Variants in PCTP observed in about 807,000 individuals in gnomAD.
The protein encoded by PCTP is phosphatidylcholine transfer protein, also known as START domain-containing protein 2.
Under a neutral mutation model 31.0 loss-of-function variants are expected in PCTP, and 27 were observed. The ratio of observed to expected loss-of-function variants is 0.87; its 90% CI spans 0.64 to 1.20. PCTP has a LOEUF of 1.20. Among genes scored for constraint, PCTP ranks in the 50% most tolerant of loss-of-function variants. PCTP has a pLI of 0.00. For missense variants in PCTP, 287 were observed against 268.2 expected (o/e 1.07, Z -0.49); for synonymous variants, 108 against 101.2 (o/e 1.07, Z -0.40).
At chr17:55,850,717 T>C in the PCTP span, among the ~76,000 whole-genome samples, 1 of 152,222 alleles carries the variant, frequency 6.6e-6, no homozygotes, top group Admixed American at 6.5e-5. Flanking sequence ...AAATGACTTA[T>C]ATTCACCCAC....
intron 3 of PCTP, among the ~76,000 whole-genome samples, chr17:55,804,527 T>C (rs1002605146): frequency 6.6e-5 from 10 of 152,210 alleles, no homozygotes; most frequent in Non-Finnish European, 1.2e-4. Flanking sequence ...TGGAATACTA[T>C]GCAGCCATAA....
intron 1 of PCTP, among the ~76,000 whole-genome samples, chr17:55,757,996 G>A (rs1175436655): frequency 6.6e-6 from 1 of 152,192 alleles, no homozygotes; most frequent in Admixed American, 6.5e-5. Flanking sequence ...GTTTCCCTGA[G>A]AGAAGGGCCA....
At chr17:55,820,588 T>C (rs1471621858) in intron 3 of PCTP, among the ~76,000 whole-genome samples, 2 of 152,196 alleles carry the variant, frequency 1.3e-5, no homozygotes, top group Non-Finnish European at 2.9e-5. Context: ...CTTAATACTA[T>C]CACATTGGTG....
At chr17:55,844,101 A>G (rs982789844), downstream of PCTP, among the ~76,000 whole-genome samples, 8 of 152,344 alleles carry the variant, frequency 5.3e-5, no homozygotes, top group Admixed American at 2.0e-4. Context: ...TTTAAACGCT[A>G]CATCCCCACT....
intron 5 of PCTP, among the ~76,000 whole-genome samples, chr17:55,828,182 T>C (rs1487366059): frequency 1.3e-5 from 2 of 152,116 alleles, no homozygotes; most frequent in Admixed American, 6.5e-5. Flanking sequence ...GGTAATTGGA[T>C]TGGAACATTT....
chr17:55,840,619 A>G (rs1413646876), intron 5 of PCTP, among the ~76,000 whole-genome samples: 1 of 152,228 alleles, frequency 6.6e-6, no homozygotes, highest in Non-Finnish European at 1.5e-5. Flanking sequence ...GTGCAAGCAC[A>G]TATTCACATT....
intron 1 of PCTP, chr17:55,751,618 T>TG: frequency 2.7e-6 from 1 of 370,436 alleles, no homozygotes; most frequent in Non-Finnish European, 4.2e-6. Context: ...GGGGCTGGGG[T>TG]GGGGGAGGGG....
intron 1 of PCTP, among the ~76,000 whole-genome samples, chr17:55,766,593 G>T (rs76909128): frequency 0.11 from 16,387 of 151,704 alleles, 981 homozygotes; most frequent in African/African-American, 0.15. Flanking sequence ...ACATGAACTC[G>T]TCATTTTTTA....
chr17:55,793,339 CT>C lies in PCTP; in HGVS notation c.317+5686del, dbSNP rs558076754. ...GGTGCAGGACCTCACATTTTCACCC[CT>C]GTTTCCTAACCCTTTAAATTTCAAC... On this transcript the variant is annotated intron_variant, in intron 3 of 3. Coordinates refer to the PCTP transcript ENST00000572536. 3.3e-5 allele frequency among the ~76,000 whole-genome samples: 5 copies of C among 152,168 alleles called. No individual in the cohort carries two copies. The South Asian group carries it at 1.0e-3, about 32-fold the overall frequency.
intron 3 of PCTP, among the ~76,000 whole-genome samples, chr17:55,771,677 T>C (rs1318980430): frequency 6.6e-6 from 1 of 152,106 alleles, no homozygotes; most frequent in Non-Finnish European, 1.5e-5. Context: ...AATCCCTCCT[T>C]GATTGTTGGC....
intron 2 of PCTP, among the ~76,000 whole-genome samples, chr17:55,786,846 G>C (rs567592145): frequency 4.1e-4 from 63 of 152,274 alleles, no homozygotes; most frequent in Middle Eastern, 3.4e-3. Context: ...TGAGAGCAAT[G>C]GGGCTCCTGG....
downstream of PCTP, among the ~76,000 whole-genome samples, chr17:55,844,181 G>A (rs1906072890): frequency 6.6e-6 from 1 of 152,206 alleles, no homozygotes; most frequent in African/African-American, 2.4e-5. Context: ...TAACATGGCA[G>A]AATAGTTTGT....
At chr17:55,831,469 C>A (rs1435472079) in intron 5 of PCTP, among the ~76,000 whole-genome samples, 1 of 152,136 alleles carries the variant, frequency 6.6e-6, no homozygotes, top group Admixed American at 6.5e-5. Context: ...AAATAGCCAA[C>A]CGCTTTGGGC....
intron 3 of PCTP, among the ~76,000 whole-genome samples, chr17:55,818,518 TTTCTC>T (rs1229219546): frequency 1.3e-5 from 2 of 152,220 alleles, no homozygotes. Context: ...GAGGCTCTGT[TTTCTC>T]TTCTGTAAAA....
At chr17:55,770,171 C>CTGTT (rs1244257470) in intron 2 of PCTP, 3 of 152,200 alleles carry the variant, frequency 2.0e-5, no homozygotes, top group Admixed American at 6.5e-5. Context: ...GAGTTGGCTG[C>CTGTT]TGTTTGCACA....
intron 5 of PCTP, chr17:55,775,787 G>T: frequency 3.2e-6 from 4 of 1,253,888 alleles, no homozygotes; most frequent in South Asian, 3.5e-5. Context: ...AAACATCTTC[G>T]CTTTTTCCTA....
chr17:55,802,967 C>T (rs1043712648), intron 3 of PCTP, among the ~76,000 whole-genome samples: 2 of 152,202 alleles, frequency 1.3e-5, no homozygotes, highest in African/African-American at 2.4e-5. Context: ...ACCCCATCGT[C>T]TCAGCCCCAA....
chr17:55,787,380 G>A (rs1911783809), intron 2 of PCTP, among the ~76,000 whole-genome samples: 1 of 151,566 alleles, frequency 6.6e-6, no homozygotes, highest in Non-Finnish European at 1.5e-5. Flanking sequence ...TTGAGATGGA[G>A]TCTTGCTCTG....
intron 2 of PCTP, among the ~76,000 whole-genome samples, chr17:55,782,771 A>AT (rs1911606447): frequency 1.3e-5 from 2 of 152,220 alleles, no homozygotes; most frequent in African/African-American, 4.8e-5. Flanking sequence ...TCTTTAAATC[A>AT]TGCAAGTCGT....
Sources: allele counts gnomAD v4.1 joint callset (sites outside exome capture counted in the v4.1 genomes callset), GRCh38; gene constraint gnomAD v4.1.1; transcripts MANE v1.5; gene names NCBI Gene and HGNC (gene_info 2026-07-23, HGNC 2026-07-21).